PCLO: variants seen among roughly 807,000 people sequenced by gnomAD.
The protein encoded by PCLO is piccolo presynaptic cytomatrix protein, also known as protein piccolo.
In PCLO, 82 loss-of-function variants were observed where a neutral mutation model predicts 427.5. The observed-to-expected ratio is 0.19, with a 90% confidence interval of 0.16 to 0.23. PCLO has a LOEUF of 0.23. PCLO is among the 10% of genes least tolerant of loss of function. The pLI is 1.00. For synonymous variants in PCLO, 2,357 were observed against 2,155.4 expected (o/e 1.09, Z -2.59); for missense variants, 6,239 against 6,115.9 (o/e 1.02, Z -0.67).
intron 15 of PCLO, among the ~76,000 whole-genome samples, chr7:82,836,956 A>G (rs1792245815): frequency 6.6e-6 from 1 of 152,104 alleles, no homozygotes; most frequent in South Asian, 2.1e-4. Flanking sequence ...TATTTTGGTG[A>G]ATGCTCCATG....
In PCLO at chr7:82,879,323, T is replaced by TTA. The variant is rs1463631068; in HGVS notation, c.13654+13_13654+14insTA. The TTA allele has an allele frequency of 1.3e-6, 2 of 1,594,390 alleles. No individual in the cohort carries two copies. The highest frequency in any genetic ancestry group is 3.6e-5 in the Admixed American group (2 of 55,310). ...GCATTCATTTTATTTTACTGTAAAA[T>TTA]TCCTTATTCTTACCTTCCATAAGCT... On this transcript the variant is annotated intron_variant, in intron 10 of 24. Transcript: ENST00000333891.
chr7:83,162,640 C>G lies in PCLO; in HGVS notation c.-48G>C, dbSNP rs1584107054. 6.7e-7 allele frequency: 1 copy of G among 1,488,942 alleles called. No homozygotes were observed. Among genetic ancestry groups the G allele is most frequent in the South Asian group, 1.3e-5 (1 of 75,074 alleles). The allele number at this position is 1,488,942 out of a possible 1,614,324, so 92.2% of individuals were successfully genotyped here. A position where few individuals can be genotyped will look rare whatever the true frequency, so the allele number is the denominator to read the frequency against. On this transcript the variant is annotated 5_prime_UTR_variant, in exon 1 of 25. Coordinates refer to ENST00000333891, the MANE Select transcript of PCLO (RefSeq NM_033026.6). The stretch of plus-strand genomic sequence containing the variant: ...CCGCGCTCCCTCCTCGCGCCGCGTC[C>G]CAGTCGAGAAGCCCGCGGCCAGGGG...
At chr7:83,145,037 A>C (rs1188437417) in intron 2 of PCLO, among the ~76,000 whole-genome samples, 1 of 152,196 alleles carries the variant, frequency 6.6e-6, no homozygotes, top group Admixed American at 6.5e-5. Context: ...CTTTATATTG[A>C]AGTGAGAACT....
intron 3 of PCLO, among the ~76,000 whole-genome samples, chr7:83,130,774 TCA>T (rs1358555730): frequency 6.6e-6 from 1 of 152,142 alleles, no homozygotes; most frequent in Non-Finnish European, 1.5e-5. Context: ...TCAAAAAATC[TCA>T]GTTACATCAC....
At chr7:82,968,612 C>CG (rs1795832382) in intron 3 of PCLO, among the ~76,000 whole-genome samples, 1 of 150,558 alleles carries the variant, frequency 6.6e-6, no homozygotes, top group Non-Finnish European at 1.5e-5. Flanking sequence ...CTCTGCCGCC[C>CG]GGGTTCAAGA....
chr7:82,834,050 T>C (rs1460108913), intron 16 of PCLO, among the ~76,000 whole-genome samples: 4 of 152,130 alleles, frequency 2.6e-5, no homozygotes, highest in Non-Finnish European at 5.9e-5. Flanking sequence ...CTCAAAGACA[T>C]GGTGAAAGTG....
rs1297590166 is a variant in PCLO, at chr7:82,984,406, GTC to G, written c.3301-17921_3301-17920del. 2.3e-4 allele frequency among the ~76,000 whole-genome samples: 32 copies of G among 138,012 alleles called. No individual in the cohort carries two copies. The East Asian group carries it at 5.7e-3, about 25-fold the overall frequency. The allele number at this position is 138,012 out of a possible 152,430, so 90.5% of individuals were successfully genotyped here. On this transcript the variant is annotated intron_variant, in intron 3 of 24. Coordinates refer to ENST00000333891, the MANE Select transcript of PCLO (RefSeq NM_033026.6). ...CACCTTAGTTTATTTCAAATGTGGT[GTC>G]TGTGTGTGTGTGTGTGTGTGTGTGT...
At chr7:82,883,541 T>A in intron 9 of PCLO, among the ~76,000 whole-genome samples, 1 of 152,118 alleles carries the variant, frequency 6.6e-6, no homozygotes, top group East Asian at 1.9e-4. Context: ...TAAAAAAAAA[T>A]TCCTATAAAC....
At chr7:83,152,259 C>T (rs1325039314) in intron 2 of PCLO, among the ~76,000 whole-genome samples, 5 of 152,104 alleles carry the variant, frequency 3.3e-5, no homozygotes, top group Admixed American at 1.3e-4. Flanking sequence ...CCACCACGCC[C>T]GGCCCAAAGT....
rs147319516 is a variant in PCLO at position 82,953,000 on chromosome 7, G to A, written c.7953C>T (p.Thr2651=). ...ISGALQTFSA[T]PVTAPSSFQA... ...GAAATGAAGAGGGTGCTGTGACAGG[G>A]GTAGCAGAAAATGTCTGTAAAGCTC... Residue 2651 remains threonine (T), a synonymous_variant, in exon 5 of 25, where the codon ACC becomes ACT. Coordinates refer to ENST00000333891, the MANE Select transcript of PCLO (RefSeq NM_033026.6). 65 of 1,613,884 alleles carry A rather than the reference G, an allele frequency of 4.0e-5. No individual in the cohort carries two copies. The African/African-American group carries it at 8.5e-4, about 21-fold the overall frequency.
Position 82,916,451 on chromosome 7 carries a change from G to A in PCLO, c.11535C>T (p.Thr3845=), listed in dbSNP as rs755981458. ...CAATGCCATGCTGACTTTCTATTCG[G>A]GTTGGTCTTGTGCTACTCACTTCAC... ...SDSEVSSTRP[T]RIESQHGIER... Residue 3845 remains threonine, a synonymous_variant, in exon 7 of 25, where the codon ACC becomes ACT. Transcript: ENST00000333891. 3.7e-6 allele frequency: 6 copies of A among 1,613,580 alleles called. No homozygotes were observed. In the South Asian group the frequency reaches 4.4e-5, roughly 12 times the overall value.
chr7:83,095,300 C>T (rs1790504886), intron 3 of PCLO, among the ~76,000 whole-genome samples: 1 of 151,762 alleles, frequency 6.6e-6, no homozygotes, highest in African/African-American at 2.4e-5. Flanking sequence ...TACTGATATG[C>T]CTTGTTTCAT....
intron 3 of PCLO, among the ~76,000 whole-genome samples, chr7:82,991,164 GCTAA>G (rs1414810412): frequency 6.6e-6 from 1 of 152,130 alleles, no homozygotes; most frequent in Non-Finnish European, 1.5e-5. Flanking sequence ...TTTTTGCCCA[GCTAA>G]CTGTGTATCT....
intron 10 of PCLO, among the ~76,000 whole-genome samples, chr7:82,872,025 A>T (rs537796922): frequency 2.2e-4 from 34 of 152,164 alleles, no homozygotes; most frequent in African/African-American, 8.2e-4. Context: ...TTTAGAAGAA[A>T]AAAAGAATAA....
intron 10 of PCLO, among the ~76,000 whole-genome samples, chr7:82,872,621 A>C (rs2115997725): frequency 6.6e-6 from 1 of 152,260 alleles, no homozygotes; most frequent in East Asian, 1.9e-4. Flanking sequence ...ACAGAAATTT[A>C]AGTTGTATTG....
Position 82,868,318 on chromosome 7 carries a change from C to A in PCLO, c.13654+11019G>T, listed in dbSNP as rs150404993. 2.8e-3 allele frequency: 1,072 copies of A among 385,976 alleles called. 20 individuals are homozygous for A. Among genetic ancestry groups the A allele is most frequent in the South Asian group, 0.014 (760 of 53,364 alleles). The allele number at this position is 385,976 out of a possible 1,614,324, so 23.9% of individuals were successfully genotyped here. ...AGTAATGCTACTGGAATTAGCTCTT[C>A]TACCAAAGACTTTTTCATGACAAGG... On this transcript the variant is annotated intron_variant, in intron 10 of 24. Coordinates refer to ENST00000333891, the MANE Select transcript of PCLO (RefSeq NM_033026.6).
At chr7:83,110,121 T>A (rs1301400577) in intron 3 of PCLO, among the ~76,000 whole-genome samples, 1 of 151,270 alleles carries the variant, frequency 6.6e-6, no homozygotes, top group Non-Finnish European at 1.5e-5. Flanking sequence ...CAACTTACAA[T>A]GTACCATGTT....
Position 82,826,571 on chromosome 7 carries a change from A to G in PCLO, c.14415+18T>C. 1 of 1,536,760 alleles carries G rather than the reference A, an allele frequency of 6.5e-7. No homozygotes were observed. The highest frequency in any genetic ancestry group is 9.0e-7 in the Non-Finnish European group (1 of 1,114,468). Reference sequence around the variant, plus strand: ...TTTACCATAGCAGCAAATAAGGGAAAGGAAGTCAGAGGCTTACCTCCCCAA... The same window carrying G: ...TTTACCATAGCAGCAAATAAGGGAAGGGAAGTCAGAGGCTTACCTCCCCAA... On this transcript the variant is annotated intron_variant, in intron 18 of 24. Transcript: ENST00000333891.
At chr7:83,128,138 A>G (rs1791484069) in intron 3 of PCLO, among the ~76,000 whole-genome samples, 1 of 152,114 alleles carries the variant, frequency 6.6e-6, no homozygotes, top group African/African-American at 2.4e-5. Flanking sequence ...TCTTTTATAC[A>G]TTTTAGAAAT....
Sources: gnomAD v4.1 joint callset for allele counts (sites outside exome capture counted in the v4.1 genomes callset) on GRCh38, gnomAD v4.1.1 for gene constraint, MANE v1.5 for transcripts, NCBI Gene and HGNC (gene_info 2026-07-23, HGNC 2026-07-21) for gene names.